The following KCNIP4 variants were observed in gnomAD, a reference collection of about 807,000 sequenced individuals.
The protein encoded by KCNIP4 is potassium voltage-gated channel interacting protein 4.
In KCNIP4, 12 loss-of-function variants were observed where a neutral mutation model predicts 34.0. The ratio of observed to expected loss-of-function variants is 0.35; its 90% CI spans 0.23 to 0.57. The LOEUF (loss-of-function observed/expected upper bound fraction) is 0.57, where lower values mean the gene tolerates loss of function less well. KCNIP4 is among the 20% of genes least tolerant of loss of function. The pLI, the probability that KCNIP4 is intolerant of heterozygous loss-of-function variation, is 0.83. For synonymous variants in KCNIP4, 124 were observed against 102.2 expected (o/e 1.21, Z -1.29); for missense variants, 238 against 311.7 (o/e 0.76, Z 1.78).
chr4:21,873,910 T>C (rs1725949693), intron 1 of KCNIP4, among the ~76,000 whole-genome samples: 1 of 152,218 alleles, frequency 6.6e-6, no homozygotes, highest in South Asian at 2.1e-4. Flanking sequence ...TGAACAAGGC[T>C]GAGACCTATT....
chr4:21,130,354 C>G (rs1750970121), intron 1 of KCNIP4, among the ~76,000 whole-genome samples: 1 of 152,160 alleles, frequency 6.6e-6, no homozygotes, highest in South Asian at 2.1e-4. Context: ...TGAACCATTA[C>G]AGAAGTTAAA....
chr4:21,444,425 C>A (rs1727778587), intron 1 of KCNIP4, among the ~76,000 whole-genome samples: 2 of 152,192 alleles, frequency 1.3e-5, no homozygotes, highest in Non-Finnish European at 2.9e-5. Flanking sequence ...AGCTTATCCA[C>A]CATGATCAAG....
intron 1 of KCNIP4, among the ~76,000 whole-genome samples, chr4:21,547,593 A>G (rs1738243722): frequency 6.6e-6 from 1 of 152,078 alleles, no homozygotes; most frequent in African/African-American, 2.4e-5. Flanking sequence ...AGAATTTTAA[A>G]GGGACCATAT....
At chr4:21,802,086 TA>T (rs1205483617) in intron 1 of KCNIP4, among the ~76,000 whole-genome samples, 1 of 151,780 alleles carries the variant, frequency 6.6e-6, no homozygotes, top group Non-Finnish European at 1.5e-5. Flanking sequence ...AATATTATTC[TA>T]ATTTTTCTTA....
intron 1 of KCNIP4, among the ~76,000 whole-genome samples, chr4:21,097,640 A>G (rs959993383): frequency 1.4e-4 from 22 of 152,302 alleles, no homozygotes; most frequent in East Asian, 1.2e-3. Context: ...AACCACACTC[A>G]GATAACATGT....
chr4:20,932,448 C>G (rs1049343825), intron 1 of KCNIP4, among the ~76,000 whole-genome samples: 5 of 143,904 alleles, frequency 3.5e-5, no homozygotes, highest in South Asian at 2.2e-4. Context: ...TAGTCTATAA[C>G]AGTCTAATAT....
At chr4:21,196,292 C>T (rs1448481841) in intron 1 of KCNIP4, among the ~76,000 whole-genome samples, 1 of 152,004 alleles carries the variant, frequency 6.6e-6, no homozygotes, top group African/African-American at 2.4e-5. Context: ...TAAATTTGTC[C>T]CTCCTTAATT....
chr4:20,910,283 A>ATGTGTG lies in KCNIP4; in HGVS notation c.62-27580_62-27575dup, dbSNP rs35143714. Reference sequence around the variant, plus strand: ...TGTGTGTGATTATTTGTGTGTCTGTATGTGTGTGTGTGTGTGTGTATCTGT... The same window carrying ATGTGTG: ...TGTGTGTGATTATTTGTGTGTCTGTATGTGTGTGTGTGTGTGTGTGTGTGTATCTGT... On this transcript the variant is annotated intron_variant, in intron 1 of 8. Coordinates refer to ENST00000382152, the MANE Select transcript of KCNIP4 (RefSeq NM_025221.6). Among the ~76,000 whole-genome samples, 126 of 149,812 alleles carry ATGTGTG rather than the reference A, an allele frequency of 8.4e-4. 1 individual carries two copies. The highest frequency in any genetic ancestry group is 2.8e-3 in the African/African-American group (115 of 40,922).
chr4:21,112,073 C>CTATCT (rs34671847), intron 1 of KCNIP4, among the ~76,000 whole-genome samples: 1 of 90,984 alleles, frequency 1.1e-5, no homozygotes. Flanking sequence ...ATCTATCTAT[C>CTATCT]ATCTATATCA....
At chr4:21,458,677 G>A (rs1294649845) in intron 1 of KCNIP4, among the ~76,000 whole-genome samples, 1 of 151,956 alleles carries the variant, frequency 6.6e-6, no homozygotes. Context: ...ATGCTGCCTG[G>A]CTATCTGACT....
rs187350161 is a variant in KCNIP4, at chr4:20,902,815, C to T, written c.62-20106G>A. ...GATTACAAGCGTGAACCACTGTGCC[C>T]GGCTAAGCCTAATATCTTAAAGAAA... On this transcript the variant is annotated intron_variant, in intron 1 of 8. Transcript: ENST00000382152. 6.6e-5 allele frequency among the ~76,000 whole-genome samples: 10 copies of T among 152,156 alleles called. No homozygotes were observed. The East Asian group carries it at 7.7e-4, about 12-fold the overall frequency.
intron 1 of KCNIP4, among the ~76,000 whole-genome samples, chr4:21,259,499 A>T (rs1251901010): frequency 2.0e-5 from 3 of 151,666 alleles, no homozygotes; most frequent in Non-Finnish European, 4.4e-5. Flanking sequence ...ATTTAATCCT[A>T]CCTCCAATCT....
chr4:21,214,392 G>A lies in KCNIP4; in HGVS notation c.62-331683C>T, dbSNP rs549550390. Among the ~76,000 whole-genome samples the A allele has an allele frequency of 6.6e-5, 10 of 152,128 alleles. No individual in the cohort carries two copies. In the East Asian group the frequency reaches 7.7e-4, roughly 12 times the overall value. On this transcript the variant is annotated intron_variant, in intron 1 of 8. Coordinates refer to ENST00000382152, the MANE Select transcript of KCNIP4 (RefSeq NM_025221.6). The stretch of plus-strand genomic sequence containing the variant: ...CTTTAAACTGTGTTATAAATGGTCC[G>A]TTTACGTTCTGTCTCTTTCATTAGG...
rs183333318 is a variant in KCNIP4 at position 20,937,767 on chromosome 4, C to T, written c.62-55058G>A. Among the ~76,000 whole-genome samples, 418 of 152,244 alleles carry T rather than the reference C, an allele frequency of 2.7e-3. 3 individuals carry two copies. The highest frequency in any genetic ancestry group is 9.6e-3 in the African/African-American group (400 of 41,538). On this transcript the variant is annotated intron_variant, in intron 1 of 8. Coordinates refer to ENST00000382152, the MANE Select transcript of KCNIP4 (RefSeq NM_025221.6). ...TGGATGAAGCTACCTCTTCCACACT[C>T]GGTCAGACTCTTCCTTATTTACAGC...
chr4:21,745,005 G>T (rs939563505), intron 1 of KCNIP4, among the ~76,000 whole-genome samples: 2 of 152,012 alleles, frequency 1.3e-5, no homozygotes, highest in Non-Finnish European at 1.5e-5. Context: ...GTTTTAAAAA[G>T]AACACTACCA....
chr4:21,184,752 C>A (rs1202108426), intron 1 of KCNIP4, among the ~76,000 whole-genome samples: 1 of 152,098 alleles, frequency 6.6e-6, no homozygotes, highest in Non-Finnish European at 1.5e-5. Context: ...AAGGAAAATC[C>A]ATCTGAAAGT....
chr4:21,391,369 G>T (rs933896478), intron 1 of KCNIP4, among the ~76,000 whole-genome samples: 6 of 152,056 alleles, frequency 3.9e-5, no homozygotes, highest in Non-Finnish European at 8.8e-5. Context: ...TACAGGATTA[G>T]GACTAATGTT....
At chr4:21,247,023 T>C (rs1760255059) in intron 1 of KCNIP4, among the ~76,000 whole-genome samples, 1 of 152,208 alleles carries the variant, frequency 6.6e-6, no homozygotes, top group African/African-American at 2.4e-5. Context: ...ATATTGCTAA[T>C]ATCCTGGTTG....
chr4:21,079,923 G>C (rs941602995), intron 1 of KCNIP4, among the ~76,000 whole-genome samples: 3 of 151,808 alleles, frequency 2.0e-5, no homozygotes, highest in African/African-American at 7.3e-5. Context: ...CAAGGAAACA[G>C]ACTCTCCTTC....
Sources: gnomAD v4.1 joint callset for allele counts (sites outside exome capture counted in the v4.1 genomes callset) on GRCh38, gnomAD v4.1.1 for gene constraint, MANE v1.5 for transcripts, NCBI Gene and HGNC (gene_info 2026-07-23, HGNC 2026-07-21) for gene names.